Variants in SORCS1 observed in about 807,000 individuals in gnomAD.
SORCS1 encodes the protein VPS10 domain-containing receptor SorCS1.
SORCS1 carries 60 observed loss-of-function variants against 146.1 expected under a neutral mutation model. That is an observed-to-expected ratio of 0.41 (90% CI 0.33 to 0.51). SORCS1 has a LOEUF of 0.51. SORCS1 is among the 20% of genes least tolerant of loss of function. The pLI, the probability that SORCS1 is intolerant of heterozygous loss-of-function variation, is 0.21. For synonymous variants in SORCS1, 637 were observed against 584.0 expected, an observed-to-expected ratio of 1.09 and a Z score of -1.31; for missense variants, 1,352 against 1,487.6, an observed-to-expected ratio of 0.91 and a Z score of 1.50.
At chr10:106,909,827 G>C (rs1021224645) in intron 2 of SORCS1, among the ~76,000 whole-genome samples, 1 of 152,074 alleles carries the variant, frequency 6.6e-6, no homozygotes, top group Non-Finnish European at 1.5e-5. Context: ...ACACACATAT[G>C]CACTGACCAA....
At chr10:106,861,310 G>T (rs1950006649) in intron 2 of SORCS1, among the ~76,000 whole-genome samples, 1 of 150,354 alleles carries the variant, frequency 6.7e-6, no homozygotes, top group African/African-American at 2.5e-5. Flanking sequence ...TGAGGCAAGA[G>T]AACTGCTTGA....
the SORCS1 span, among the ~76,000 whole-genome samples, chr10:107,178,249 T>C: frequency 2.0e-5 from 3 of 152,134 alleles, no homozygotes; most frequent in Non-Finnish European, 4.4e-5. Context: ...TACTCCTGTG[T>C]AGCTGTATAT....
At chr10:106,882,275 T>TA (rs369105893) in intron 2 of SORCS1, among the ~76,000 whole-genome samples, 60 of 126,392 alleles carry the variant, frequency 4.7e-4, no homozygotes, top group East Asian at 2.3e-3. Context: ...CTGATGAGCT[T>TA]AAAAAAAAAA....
chr10:106,950,468 A>G (rs1954620960), intron 2 of SORCS1, among the ~76,000 whole-genome samples: 1 of 152,162 alleles, frequency 6.6e-6, no homozygotes, highest in Non-Finnish European at 1.5e-5. Flanking sequence ...AAGTGCACGT[A>G]TCTACTTGTT....
intron 2 of SORCS1, among the ~76,000 whole-genome samples, chr10:106,891,687 A>G (rs1340935368): frequency 4.6e-5 from 7 of 152,016 alleles, no homozygotes; most frequent in Admixed American, 4.6e-4. Context: ...TAAACTGAGT[A>G]TAATGATCCT....
intron 3 of SORCS1, among the ~76,000 whole-genome samples, chr10:106,798,149 CAG>C (rs759156999): frequency 2.0e-4 from 31 of 152,144 alleles, no homozygotes; most frequent in Non-Finnish European, 4.3e-4. Flanking sequence ...CTTTATAAGG[CAG>C]AGTTTCCCTT....
intron 1 of SORCS1, among the ~76,000 whole-genome samples, chr10:107,008,120 C>A (rs529795668): frequency 1.3e-5 from 2 of 151,842 alleles, no homozygotes; most frequent in East Asian, 3.9e-4. Flanking sequence ...AATGAGAGGG[C>A]AGTTTTTTCT....
At chr10:106,919,399 G>T (rs200638962) in intron 2 of SORCS1, among the ~76,000 whole-genome samples, 21 of 152,188 alleles carry the variant, frequency 1.4e-4, no homozygotes, top group Admixed American at 1.4e-3. Flanking sequence ...CCTGTGAGTT[G>T]TACTCTTTTT....
At chr10:106,719,728 G>A (rs1855648758) in intron 6 of SORCS1, among the ~76,000 whole-genome samples, 1 of 152,052 alleles carries the variant, frequency 6.6e-6, no homozygotes, top group Admixed American at 6.6e-5. Context: ...ATAACTTCTT[G>A]ATTATTTTTA....
chr10:106,760,737 G>A (rs1056539584), intron 5 of SORCS1, among the ~76,000 whole-genome samples: 7 of 143,154 alleles, frequency 4.9e-5, no homozygotes, highest in Admixed American at 1.4e-4. Flanking sequence ...ACACACACAC[G>A]CACATTTGGC....
At chr10:106,764,109 C>T (rs897696729) in intron 4 of SORCS1, among the ~76,000 whole-genome samples, 5 of 152,114 alleles carry the variant, frequency 3.3e-5, no homozygotes, top group African/African-American at 1.2e-4. Context: ...GAGGCGTATA[C>T]CTAAAAAACA....
chr10:106,887,222 T>C (rs1241952438), intron 2 of SORCS1, among the ~76,000 whole-genome samples: 1 of 152,210 alleles, frequency 6.6e-6, no homozygotes, highest in East Asian at 1.9e-4. Flanking sequence ...TTGTTAAAAC[T>C]AAGCAACTGT....
intron 1 of SORCS1, among the ~76,000 whole-genome samples, chr10:107,084,802 A>C (rs963417483): frequency 6.6e-6 from 1 of 152,166 alleles, no homozygotes; most frequent in African/African-American, 2.4e-5. Context: ...AAGTATTCAA[A>C]AGTTACTGTG....
intron 2 of SORCS1, among the ~76,000 whole-genome samples, chr10:106,864,271 G>C (rs1362908116): frequency 1.3e-5 from 2 of 152,138 alleles, no homozygotes; most frequent in Non-Finnish European, 2.9e-5. Context: ...AAGGCAGAAT[G>C]ACGGTCCACC....
chr10:107,077,505 T>C (rs1428042940), intron 1 of SORCS1, among the ~76,000 whole-genome samples: 1 of 151,742 alleles, frequency 6.6e-6, no homozygotes, highest in East Asian at 1.9e-4. Context: ...AGGATGAAAC[T>C]TAGGAAAACG....
Position 107,001,157 on chromosome 10 carries a change from C to A in SORCS1, c.559-44577G>T, listed in dbSNP as rs1375612118. On this transcript the variant is annotated intron_variant, in intron 1 of 25. Transcript: ENST00000263054. The stretch of plus-strand genomic sequence containing the variant: ...AAATAGGCAGAGAGGCAGGAAGGGG[C>A]AGAGTGTAGACAAGGCATTTTTAAA... Among the ~76,000 whole-genome samples, 3 of 152,084 alleles carry A rather than the reference C, an allele frequency of 2.0e-5. No individual in the cohort carries two copies. The East Asian group carries it at 5.8e-4, about 29-fold the overall frequency.
intron 17 of SORCS1, among the ~76,000 whole-genome samples, chr10:106,654,563 T>C (rs982453076): frequency 6.6e-6 from 1 of 152,206 alleles, no homozygotes; most frequent in Non-Finnish European, 1.5e-5. Flanking sequence ...GTTCCAGATA[T>C]TCAAAGCTGG....
chr10:107,098,932 C>T (rs1964728949), intron 1 of SORCS1, among the ~76,000 whole-genome samples: 1 of 152,098 alleles, frequency 6.6e-6, no homozygotes, highest in Non-Finnish European at 1.5e-5. Flanking sequence ...ATCTTTGGAC[C>T]CCAAATTTCA....
At chr10:106,968,080 G>T (rs189477103) in intron 1 of SORCS1, among the ~76,000 whole-genome samples, 10 of 151,990 alleles carry the variant, frequency 6.6e-5, no homozygotes, top group Admixed American at 1.3e-4. Context: ...CGTGGTGGCG[G>T]GTGCCTGTAG....
Sources: allele counts gnomAD v4.1 joint callset (sites outside exome capture counted in the v4.1 genomes callset), GRCh38; gene constraint gnomAD v4.1.1; transcripts MANE v1.5; gene names NCBI Gene and HGNC (gene_info 2026-07-23, HGNC 2026-07-21).